The following DNAJC14 variants were observed in gnomAD, a reference collection of about 807,000 sequenced individuals.
DNAJC14 encodes DnaJ heat shock protein family (Hsp40) member C14, also known as dnaJ homolog subfamily C member 14.
Under a neutral mutation model 68.8 loss-of-function variants are expected in DNAJC14, and 12 were observed. That is an observed-to-expected ratio of 0.17 (90% CI 0.11 to 0.28). The LOEUF (loss-of-function observed/expected upper bound fraction) is 0.28, where lower values mean the gene tolerates loss of function less well. Ranked by LOEUF, DNAJC14 falls within the 10% of genes least tolerant of loss-of-function variation. DNAJC14 has a pLI of 1.00. For missense variants in DNAJC14, 764 were observed against 875.6 expected (o/e 0.87, Z 1.61); for synonymous variants, 350 against 321.5 (o/e 1.09, Z -0.95).
chr12:55,829,204 T>C, intron 1 of DNAJC14: 1 of 980,188 alleles, frequency 1.0e-6, no homozygotes, highest in Non-Finnish European at 1.2e-6. Flanking sequence ...CCCAGCACTT[T>C]GGGAGGCCGA....
chr12:55,827,335 G>T lies in DNAJC14; in HGVS notation c.1324C>A (p.Leu442Ile). 6.2e-7 allele frequency: 1 copy of T among 1,612,684 alleles called. No homozygotes were observed. Among genetic ancestry groups the T allele is most frequent in the Non-Finnish European group, 8.5e-7 (1 of 1,179,348 alleles). ...LTMAGVPEDE[L>I]NPFHVLGVEA... ...ACCCCCAGTACATGGAAAGGGTTTA[G>T]CTCATCCTCAGGAACCCCAGCCATG... The change falls in exon 2 of 7, where the codon CTA becomes ATA. Residue 442 changes from leucine to isoleucine, a missense_variant. Coordinates refer to ENST00000678005, the MANE Select transcript of DNAJC14 (RefSeq NM_032364.6).
Position 55,827,392 on chromosome 12 carries a change from G to C in DNAJC14, c.1267C>G (p.Gln423Glu), listed in dbSNP as rs771508877. 3.1e-6 allele frequency: 5 copies of C among 1,613,608 alleles called. No homozygotes were observed. Among genetic ancestry groups the C allele is most frequent in the Non-Finnish European group, 4.2e-6 (5 of 1,179,852 alleles). The change falls in exon 2 of 7, where the codon CAG (glutamine) becomes GAG (glutamate). Residue 423 changes from glutamine to glutamate, a missense_variant. Gln to Glu is a conservative substitution (Grantham distance 29). Around this residue, in one of 4 missense-constraint regions of DNAJC14, gnomAD observed 514 missense variants for 521.7 expected, o/e 0.99. Transcript: ENST00000678005. The stretch of plus-strand genomic sequence containing the variant: ...AGTCGAGCCACTTCCTCTTCAGGCT[G>C]GCAGTAGCGCCCACTAGCTACAGGT... ...NAPVASGRYC[Q>E]PEEEVARLLT...
chr12:55,828,323 C>G lies in DNAJC14; in HGVS notation c.336G>C (p.Glu112Asp). 1 of 1,613,392 alleles carries G rather than the reference C, an allele frequency of 6.2e-7. No homozygotes were observed. Among genetic ancestry groups the G allele is most frequent in the Non-Finnish European group, 8.5e-7 (1 of 1,179,818 alleles). The change falls in exon 2 of 7, where the codon GAG becomes GAC. Residue 112 changes from glutamate to aspartate, a missense_variant. By Grantham distance (45) the Glu-to-Asp change is conservative. Around this residue, in one of 4 missense-constraint regions of DNAJC14, gnomAD observed 514 missense variants for 521.7 expected, o/e 0.99. Coordinates refer to ENST00000678005, the MANE Select transcript of DNAJC14 (RefSeq NM_032364.6). Reference protein sequence around the residue: ...GVDQELSKENETGNQKDGNSF... With the variant: ...GVDQELSKENDTGNQKDGNSF... ...AGTTCCCATCCTTCTGGTTCCCAGT[C>G]TCGTTTTCTTTTGAGAGTTCCTGGT...
rs749400706 is a variant in DNAJC14 at position 55,823,226 on chromosome 12, G to C, written c.1515-37C>G. The C allele has an allele frequency of 2.5e-6, 4 of 1,613,680 alleles. No individual in the cohort carries two copies. The highest frequency in any genetic ancestry group is 3.4e-6 in the Non-Finnish European group (4 of 1,179,950). On this transcript the variant is annotated intron_variant, in intron 3 of 6. Coordinates refer to ENST00000678005, the MANE Select transcript of DNAJC14 (RefSeq NM_032364.6). ...AATGCTTTGTAAGTCAGAAGGTATT[G>C]AGGGAGGGACAAAGGAAGACATATC... is the stretch of plus-strand genomic sequence containing the variant.
chr12:55,825,238 C>G (rs1371809149), intron 2 of DNAJC14, among the ~76,000 whole-genome samples: 1 of 151,528 alleles, frequency 6.6e-6, no homozygotes, highest in Non-Finnish European at 1.5e-5. Flanking sequence ...TGGTGGTTTA[C>G]TGTACCTTTA....
In DNAJC14 at chr12:55,821,186, G is replaced by T. The variant is rs1384259538; in HGVS notation, c.*791C>A. Reference sequence around the variant, plus strand: ...ATGATTAATTTTGGCCATCCTTGCAGAAAAGAGCCTAAAATTGGGTGATTT... The same window carrying T: ...ATGATTAATTTTGGCCATCCTTGCATAAAAGAGCCTAAAATTGGGTGATTT... On this transcript the variant is annotated 3_prime_UTR_variant, in exon 7 of 7. Coordinates refer to ENST00000678005, the MANE Select transcript of DNAJC14 (RefSeq NM_032364.6). 6.6e-6 allele frequency: 1 copy of T among 152,660 alleles called. No individual in the cohort carries two copies. The highest frequency in any genetic ancestry group is 2.4e-5 in the African/African-American group (1 of 41,458). The allele number at this position is 152,660 out of a possible 1,614,324, so 9.5% of individuals were successfully genotyped here.
At chr12:55,823,600 C>T in intron 2 of DNAJC14, 92 bp from the exon 3 acceptor site, 1 of 1,101,192 alleles carries the variant, frequency 9.1e-7, no homozygotes. Context: ...CTTTCATCAC[C>T]CTTTTGAAGA....
In DNAJC14 at chr12:55,827,471, C is replaced by G. The variant is rs747773917; in HGVS notation, c.1188G>C (p.Trp396Cys). The change falls in exon 2 of 7, where the codon TGG becomes TGC. Residue 396 changes from tryptophan (W) to cysteine (C), a missense_variant. Coordinates refer to ENST00000678005, the MANE Select transcript of DNAJC14 (RefSeq NM_032364.6). ...PWQRLVRIVQWGWLELPWVKQ... is the reference protein window; with the variant it reads ...PWQRLVRIVQCGWLELPWVKQ... ...TGACCCAAGGCAACTCCAGCCAGCCCCACTGAACTATTCTTACCAGCCGCT... is the reference window on the plus strand; with the variant it reads ...TGACCCAAGGCAACTCCAGCCAGCCGCACTGAACTATTCTTACCAGCCGCT... 3 of 1,604,174 alleles carry G rather than the reference C, an allele frequency of 1.9e-6. No homozygotes were observed. In the South Asian group the frequency reaches 3.3e-5, roughly 18 times the overall value.
chr12:55,821,913 A>C lies in DNAJC14; in HGVS notation c.*64T>G. 1 of 1,486,286 alleles carries C rather than the reference A, an allele frequency of 6.7e-7. No homozygotes were observed. Among genetic ancestry groups the C allele is most frequent in the Non-Finnish European group, 9.1e-7 (1 of 1,101,660 alleles). The allele number at this position is 1,486,286 out of a possible 1,614,324, so 92.1% of individuals were successfully genotyped here. ...GTGTTGGGGGAGGAGGGATAAATCAAACTCCATCCTGTGCTACAGCCCTTT... is the reference window on the plus strand; with the variant it reads ...GTGTTGGGGGAGGAGGGATAAATCACACTCCATCCTGTGCTACAGCCCTTT... On this transcript the variant is annotated 3_prime_UTR_variant, in exon 7 of 7. Coordinates refer to ENST00000678005, the MANE Select transcript of DNAJC14 (RefSeq NM_032364.6).
Position 55,828,378 on chromosome 12 carries a change from T to G in DNAJC14, c.281A>C (p.Glu94Ala), listed in dbSNP as rs1189487999. ...PRDAEDPDQS[E>A]TSSEEESGVD... ...TCCTGATTCTTCTTCTGAAGACGTC[T>G]CACTCTGATCAGGGTCCTCTGCATC... is the stretch of plus-strand genomic sequence containing the variant. The change falls in exon 2 of 7, where the codon GAG (glutamate) becomes GCG (alanine). Residue 94 changes from glutamate (E) to alanine (A), a missense_variant. Coordinates refer to ENST00000678005, the MANE Select transcript of DNAJC14 (RefSeq NM_032364.6). 5 of 1,614,106 alleles carry G rather than the reference T, an allele frequency of 3.1e-6. No individual in the cohort carries two copies. The highest frequency in any genetic ancestry group is 4.2e-6 in the Non-Finnish European group (5 of 1,180,026).
chr12:55,822,832 A>G, intron 4 of DNAJC14, 100 bp from the exon 5 acceptor site: 1 of 1,478,656 alleles, frequency 6.8e-7, no homozygotes, highest in Non-Finnish European at 9.1e-7. Context: ...TGAAACATCT[A>G]AAATTACCCC....
intron 2 of DNAJC14, among the ~76,000 whole-genome samples, chr12:55,824,040 G>A (rs926865362): frequency 1.3e-5 from 2 of 151,778 alleles, no homozygotes; most frequent in African/African-American, 2.4e-5. Flanking sequence ...ATGTCAGCCT[G>A]AATATCTATC....
Position 55,823,149 on chromosome 12 carries a change from C to CA in DNAJC14, c.1554dup (p.Glu519Ter). The CA allele has an allele frequency of 6.2e-7, 1 of 1,614,206 alleles. No individual in the cohort carries two copies. On this transcript the variant is annotated frameshift_variant, in exon 4 of 7. Coordinates refer to ENST00000678005, the MANE Select transcript of DNAJC14 (RefSeq NM_032364.6). LOFTEE classifies it high-confidence loss of function. ...TCATCTTGCAGCTTGGACAGAAACT[C>CA]ATTTACTGACCGGCTCAGCTCATTC...
chr12:55,827,120 G>A, intron 2 of DNAJC14, 132 bp downstream of exon 2: 1 of 912,754 alleles, frequency 1.1e-6, no homozygotes, highest in African/African-American at 1.7e-5. Flanking sequence ...GAACCCAGGA[G>A]GCGGAGGTTG....
Position 55,822,458 on chromosome 12 carries a change from G to C in DNAJC14, c.1813C>G (p.Arg605Gly), listed in dbSNP as rs747373955. ...YDITEWAGCQ[R>G]VGISPDTHRV... ...TGGGTATCTGGGGAGATACCTACAC[G>C]CTGGCATCCAGCCCACTCTATAAAC... Residue 605 changes from arginine (R) to glycine (G), a missense_variant, in exon 6 of 7, where the codon CGT becomes GGT. Arg to Gly is a moderately radical substitution (Grantham distance 125). Transcript: ENST00000678005. 6.2e-7 allele frequency: 1 copy of C among 1,613,962 alleles called. No homozygotes were observed. Among genetic ancestry groups the C allele is most frequent in the Admixed American group, 1.7e-5 (1 of 60,012 alleles).
In DNAJC14 at chr12:55,828,290, A is replaced by C; in HGVS notation, c.369T>G (p.Leu123=). 11 of 1,610,014 alleles carry C rather than the reference A, an allele frequency of 6.8e-6. No individual in the cohort carries two copies. The highest frequency in any genetic ancestry group is 9.3e-6 in the Non-Finnish European group (11 of 1,178,518). The change falls in exon 2 of 7, where the codon CTT becomes CTG. Residue 123 remains leucine, a synonymous_variant. Transcript: ENST00000678005. ...TGNQKDGNSF[L]SIPSACNCQG... ...GGCAGTTGCAAGCAGATGGAATGGA[A>C]AGAAAAGAGTTCCCATCCTTCTGGT...
Position 55,822,451 on chromosome 12 carries a change from C to T in DNAJC14, c.1820G>A (p.Gly607Asp), listed in dbSNP as rs778181380. The change falls in exon 6 of 7, where the codon GGT (glycine) becomes GAT (aspartate). Residue 607 changes from glycine (G) to aspartate (D), a missense_variant. Physicochemically the swap from Gly to Asp is moderately conservative, Grantham distance 94 (BLOSUM62 -1). Coordinates refer to ENST00000678005, the MANE Select transcript of DNAJC14 (RefSeq NM_032364.6). Reference protein sequence around the residue: ...ITEWAGCQRVGISPDTHRVPY... With the variant: ...ITEWAGCQRVDISPDTHRVPY... Reference sequence around the variant, plus strand: ...GACTCTGTGGGTATCTGGGGAGATACCTACACGCTGGCATCCAGCCCACTC... The same window carrying T: ...GACTCTGTGGGTATCTGGGGAGATATCTACACGCTGGCATCCAGCCCACTC... 6.2e-7 allele frequency: 1 copy of T among 1,613,908 alleles called. No individual in the cohort carries two copies.
chr12:55,821,974 G>A lies in DNAJC14; in HGVS notation c.*3C>T. On this transcript the variant is annotated 3_prime_UTR_variant, in exon 7 of 7. Transcript: ENST00000678005. ...ACATTGATTTGAGGAAAGAGAAGGG[G>A]CATCAACGTTGGAAGGGCCTCCTCA... is the stretch of plus-strand genomic sequence containing the variant. 6.2e-7 allele frequency: 1 copy of A among 1,608,216 alleles called. No homozygotes were observed. The highest frequency in any genetic ancestry group is 8.5e-7 in the Non-Finnish European group (1 of 1,177,452).
intron 1 of DNAJC14, 100 bp downstream of exon 1, chr12:55,829,389 G>A (rs1323086869): frequency 1.0e-6 from 1 of 981,738 alleles, no homozygotes; most frequent in Non-Finnish European, 1.2e-6. Context: ...AGGTTGCAGT[G>A]AACCGAGATC....
Sources: gnomAD v4.1 joint callset for allele counts (sites outside exome capture counted in the v4.1 genomes callset) on GRCh38, gnomAD v4.1.1 for gene constraint, gnomAD v4.1.1 regional missense constraint, MANE v1.5 for transcripts, NCBI Gene and HGNC (gene_info 2026-07-23, HGNC 2026-07-21) for gene names.